The following NOSTRIN variants were observed in gnomAD, a reference collection of about 807,000 sequenced individuals.
The protein encoded by NOSTRIN is BM247 homolog.
In NOSTRIN, 63 loss-of-function variants were observed where a neutral mutation model predicts 59.0. The observed-to-expected ratio is 1.07, with a 90% CI of 0.87 to 1.32. The LOEUF (loss-of-function observed/expected upper bound fraction) is 1.32. NOSTRIN is among the 40% of genes most tolerant of loss of function. The pLI is 0.00. For synonymous variants in NOSTRIN, 200 were observed against 165.4 expected (o/e 1.21, Z -1.61); for missense variants, 512 against 473.1 (o/e 1.08, Z -0.76).
intron 7 of NOSTRIN, among the ~76,000 whole-genome samples, chr2:168,837,101 T>G (rs1252558164): frequency 6.6e-6 from 1 of 151,940 alleles, no homozygotes; most frequent in East Asian, 1.9e-4. Context: ...AGGGCAGTAA[T>G]CCCATTCATG....
chr2:168,862,815 G>A (rs1346905653), intron 15 of NOSTRIN, among the ~76,000 whole-genome samples: 3 of 152,206 alleles, frequency 2.0e-5, no homozygotes, highest in African/African-American at 4.8e-5. Flanking sequence ...CAGAGATCTG[G>A]AAACGGAAGG....
intron 8 of NOSTRIN, among the ~76,000 whole-genome samples, chr2:168,846,874 C>T (rs1215974009): frequency 6.6e-6 from 1 of 152,142 alleles, no homozygotes; most frequent in African/African-American, 2.4e-5. Context: ...CTAGATGAGA[C>T]GAATGACAAC....
In NOSTRIN at chr2:168,865,390, G is replaced by C. The variant is rs116121062; in HGVS notation, c.*420G>C. The C allele has an allele frequency of 4.0e-3, 631 of 158,486 alleles. 3 individuals carry two copies. The highest frequency in any genetic ancestry group is 0.014 in the African/African-American group (603 of 41,616). 9.8% of individuals were successfully genotyped at this position (158,486 alleles called of 1,614,324 possible). On this transcript the variant is annotated 3_prime_UTR_variant, in exon 16 of 16. Transcript: ENST00000317647. ...CACAGCAGGCCTATGAGGGGGTCAA[G>C]CAGAGCCTGGGAGATGAGGAACACA...
intron 13 of NOSTRIN, among the ~76,000 whole-genome samples, chr2:168,859,971 A>T (rs1446110477): frequency 1.3e-5 from 2 of 152,156 alleles, no homozygotes; most frequent in East Asian, 3.9e-4. Context: ...TCAGACCTAA[A>T]TTATAAGATT....
Position 168,834,503 on chromosome 2 carries a change from G to GCACA in NOSTRIN, c.504+179_504+180insACAC, listed in dbSNP as rs1355060150. On this transcript the variant is annotated intron_variant, in intron 7 of 15. Transcript: ENST00000317647. ...TCATTACTGGCGTGCGCGCGCGCGC[G>GCACA]CGCGCACACACACACACACACACAC... 4.4e-3 allele frequency among the ~76,000 whole-genome samples: 531 copies of GCACA among 119,796 alleles called. 6 individuals carry two copies. Among genetic ancestry groups the GCACA allele is most frequent in the African/African-American group, 0.013 (453 of 34,534 alleles). The allele number at this position is 119,796 out of a possible 152,430, so 78.6% of individuals were successfully genotyped here.
intron 11 of NOSTRIN, chr2:168,856,334 T>C (rs555720707): frequency 3.3e-4 from 92 of 276,798 alleles, no homozygotes; most frequent in Non-Finnish European, 4.9e-4. Context: ...CCTAACACTT[T>C]GGGAAGCCAA....
At chr2:168,855,962 A>G (rs1689077619) in intron 11 of NOSTRIN, 2 of 442,028 alleles carry the variant, frequency 4.5e-6, no homozygotes, top group Non-Finnish European at 9.0e-6. Flanking sequence ...TGTGACTCTG[A>G]TGTCTACCTA....
At chr2:168,858,861 T>G (rs1383779720) in intron 12 of NOSTRIN, among the ~76,000 whole-genome samples, 1 of 152,218 alleles carries the variant, frequency 6.6e-6, no homozygotes, top group South Asian at 2.1e-4. Context: ...GATTCTGTTA[T>G]TTAATTCACC....
Position 168,864,837 on chromosome 2 carries a change from A to G in NOSTRIN, c.1388A>G (p.Asp463Gly). 6.2e-7 allele frequency: 1 copy of G among 1,613,896 alleles called. No homozygotes were observed. The highest frequency in any genetic ancestry group is 8.5e-7 in the Non-Finnish European group (1 of 1,179,850). The change falls in exon 16 of 16, where the codon GAC becomes GGC. Residue 463 changes from aspartate (D) to glycine (G), a missense_variant. Physicochemically the swap from Asp to Gly is moderately conservative, Grantham distance 94. Transcript: ENST00000317647. ...QDDELNLEKGDIVIIHEKKEG... is the reference protein window; with the variant it reads ...QDDELNLEKGGIVIIHEKKEG... ...TTGTCTAACTGTATTTTCACAGGTG[A>G]CATTGTGATTATACACGAGAAAAAA...
intron 15 of NOSTRIN, 74 bp from the exon 16 acceptor site, chr2:168,864,760 T>G: frequency 6.4e-7 from 1 of 1,561,220 alleles, no homozygotes; most frequent in East Asian, 2.2e-5. Context: ...AGAACCTCCT[T>G]AAAACTCTTA....
chr2:168,806,414 G>A (rs185166033), intron 1 of NOSTRIN, among the ~76,000 whole-genome samples: 8 of 152,126 alleles, frequency 5.3e-5, no homozygotes, highest in South Asian at 2.1e-4. Flanking sequence ...TTTACAAGTC[G>A]CCTGTCTAAA....
chr2:168,813,600 C>G (rs1286379571), intron 2 of NOSTRIN, among the ~76,000 whole-genome samples: 1 of 152,126 alleles, frequency 6.6e-6, no homozygotes, highest in East Asian at 1.9e-4. Context: ...CCTCCATTCA[C>G]TTATTCTAGA....
intron 13 of NOSTRIN, 57 bp from the exon 14 acceptor site, chr2:168,860,738 C>A: frequency 1.9e-6 from 2 of 1,078,894 alleles, no homozygotes; most frequent in Non-Finnish European, 2.8e-6. Flanking sequence ...AGTTAATTTT[C>A]ATGAATGTTT....
intron 14 of NOSTRIN, among the ~76,000 whole-genome samples, chr2:168,861,692 A>G (rs1412742153): frequency 6.6e-6 from 1 of 152,216 alleles, no homozygotes; most frequent in Non-Finnish European, 1.5e-5. Flanking sequence ...CTATTATTAT[A>G]CAATGATGTT....
At chr2:168,849,369 T>TC (rs1014825322) in intron 8 of NOSTRIN, among the ~76,000 whole-genome samples, 2 of 152,126 alleles carry the variant, frequency 1.3e-5, no homozygotes, top group African/African-American at 4.8e-5. Flanking sequence ...TCTTTTCTTT[T>TC]TTTTGAGATG....
intron 7 of NOSTRIN, among the ~76,000 whole-genome samples, chr2:168,837,670 C>A (rs1427645445): frequency 6.6e-6 from 1 of 152,126 alleles, no homozygotes; most frequent in Non-Finnish European, 1.5e-5. Context: ...ATCTTCTGTT[C>A]ACTCTTCAAA....
chr2:168,794,677 A>G (rs566486752), upstream of NOSTRIN, among the ~76,000 whole-genome samples: 15 of 152,302 alleles, frequency 9.8e-5, no homozygotes, highest in South Asian at 2.9e-3. Flanking sequence ...ACAAGTACTC[A>G]GAGGGCTGTT....
intron 5 of NOSTRIN, among the ~76,000 whole-genome samples, chr2:168,830,610 A>G (rs1252931817): frequency 6.6e-6 from 1 of 152,242 alleles, no homozygotes; most frequent in African/African-American, 2.4e-5. Context: ...TGTAACTTAC[A>G]TCAGATCTCC....
At chr2:168,848,625 G>A (rs985745310) in intron 8 of NOSTRIN, among the ~76,000 whole-genome samples, 1 of 152,194 alleles carries the variant, frequency 6.6e-6, no homozygotes, top group East Asian at 1.9e-4. Context: ...AGGGAATTCT[G>A]GCACATGCTA....
Sources: allele counts gnomAD v4.1 joint callset (sites outside exome capture counted in the v4.1 genomes callset), GRCh38; gene constraint gnomAD v4.1.1; transcripts MANE v1.5; gene names NCBI Gene and HGNC (gene_info 2026-07-23, HGNC 2026-07-21).